GIGYF2: variants seen among roughly 807,000 people sequenced by gnomAD.
GIGYF2 encodes GRB10 interacting GYF protein 2.
GIGYF2 carries 25 observed loss-of-function variants against 208.1 expected under a neutral mutation model. The observed-to-expected ratio is 0.12, with a 90% CI of 0.09 to 0.17. The LOEUF is 0.17. GIGYF2 is among the 10% of genes least tolerant of loss of function. GIGYF2 has a pLI of 1.00. For missense variants in GIGYF2, 1,302 were observed against 1,579.4 expected (o/e 0.82, Z 2.98); for synonymous variants, 534 against 543.8 (o/e 0.98, Z 0.25).
intron 8 of GIGYF2, among the ~76,000 whole-genome samples, chr2:232,776,962 G>A (rs181735134): frequency 6.6e-6 from 1 of 151,954 alleles, no homozygotes; most frequent in African/African-American, 2.4e-5. Context: ...CTTTGGGGAA[G>A]ATTTATTTGG....
chr2:232,779,815 G>T (rs1222317001), intron 8 of GIGYF2, among the ~76,000 whole-genome samples: 1 of 152,072 alleles, frequency 6.6e-6, no homozygotes, highest in Admixed American at 6.6e-5. Flanking sequence ...TAACTCTCTG[G>T]GTACAGAAGT....
At chr2:232,712,027 A>G (rs754417402) in intron 2 of GIGYF2, among the ~76,000 whole-genome samples, 60 of 152,172 alleles carry the variant, frequency 3.9e-4, no homozygotes, top group Admixed American at 3.3e-4. Flanking sequence ...AGCACTTATC[A>G]GAAAAGCCTT....
At chr2:232,786,103 A>C (rs1384707058) in intron 8 of GIGYF2, among the ~76,000 whole-genome samples, 2 of 152,254 alleles carry the variant, frequency 1.3e-5, no homozygotes, top group Non-Finnish European at 2.9e-5. Flanking sequence ...TACTTGGTAT[A>C]CCAGGCTCTC....
intron 6 of GIGYF2, among the ~76,000 whole-genome samples, chr2:232,759,861 A>G (rs1698679213): frequency 6.6e-6 from 1 of 152,068 alleles, no homozygotes; most frequent in South Asian, 2.1e-4. Flanking sequence ...CTATGCCCAG[A>G]CACTCTACCA....
At position 232,857,701 on chromosome 2, in the gene GIGYF2, GT is replaced by G. The variant is rs1445954525; in HGVS notation, c.*845del. The G allele has an allele frequency of 6.6e-6, 1 of 152,506 alleles. No individual in the cohort carries two copies. The highest frequency in any genetic ancestry group is 2.4e-5 in the African/African-American group (1 of 41,410). 9.4% of individuals were successfully genotyped at this position (152,506 alleles called of 1,614,324 possible). Reference sequence around the variant, plus strand: ...TACTTCAGAGGACTAGGACCATTTTGTTTTGGGCCCTTCTGCTGAAAATTTG... The same window carrying G: ...TACTTCAGAGGACTAGGACCATTTTGTTTGGGCCCTTCTGCTGAAAATTTG... On this transcript the variant is annotated 3_prime_UTR_variant, in exon 29 of 29. Transcript: ENST00000373563.
In GIGYF2 at chr2:232,791,276, C is replaced by G; in HGVS notation, c.1112C>G (p.Pro371Arg). 4 of 1,614,012 alleles carry G rather than the reference C, an allele frequency of 2.5e-6. No homozygotes were observed. The highest frequency in any genetic ancestry group is 3.4e-6 in the Non-Finnish European group (4 of 1,179,944). Residue 371 changes from proline to arginine, a missense_variant, in exon 12 of 29, where the codon CCC (proline) becomes CGC (arginine). Physicochemically the swap from Pro to Arg is moderately radical, Grantham distance 103. Coordinates refer to ENST00000373563, the MANE Select transcript of GIGYF2 (RefSeq NM_001103146.3). Reference protein sequence around the residue: ...RVGVEASEETPQTSSSSARPG... With the variant: ...RVGVEASEETRQTSSSSARPG... ...GTTCCAGAAGCTAGTGAGGAAACTC[C>G]CCAGACCTCATCATCATCTGCTAGA...
At chr2:232,756,120 C>G (rs935939033) in intron 5 of GIGYF2, 103 bp from the exon 6 acceptor site, 71 of 678,298 alleles carry the variant, frequency 1.0e-4, no homozygotes, top group South Asian at 5.2e-4. Flanking sequence ...TTTATAGATG[C>G]AGTAGGAATG....
At position 232,735,189 on chromosome 2, in the gene GIGYF2, CG is replaced by C; in HGVS notation, c.-7del. The C allele has an allele frequency of 1.3e-6, 2 of 1,590,800 alleles. No homozygotes were observed. ...CATATAAAAATCTATTGTAAAAATA[CG>C]GAAAAGAATGGCAGCGGAAACGCAG... On this transcript the variant is annotated 5_prime_UTR_variant, in exon 3 of 29. Coordinates refer to ENST00000373563, the MANE Select transcript of GIGYF2 (RefSeq NM_001103146.3).
At position 232,845,514 on chromosome 2, in the gene GIGYF2, G is replaced by C. The variant is rs112086235; in HGVS notation, c.3306-218G>C. Among the ~76,000 whole-genome samples the C allele has an allele frequency of 9.4e-3, 1,428 of 152,260 alleles. 23 individuals are homozygous for C. Among genetic ancestry groups the C allele is most frequent in the African/African-American group, 0.032 (1,331 of 41,544 alleles). ...AGAATTTCATCATTTTTTCTAAGTA[G>C]AACCCCTGTATCCACAAATTAGGAT... On this transcript the variant is annotated intron_variant, in intron 25 of 28. Coordinates refer to ENST00000373563, the MANE Select transcript of GIGYF2 (RefSeq NM_001103146.3).
chr2:232,735,464 TGGC>T (rs1391537736), intron 3 of GIGYF2: 2 of 422,322 alleles, frequency 4.7e-6, no homozygotes, highest in African/African-American at 4.1e-5. Flanking sequence ...TATGTAATGA[TGGC>T]GGGAGTCCCA....
At chr2:232,831,850 A>G (rs994201901) in intron 21 of GIGYF2, among the ~76,000 whole-genome samples, 2 of 152,128 alleles carry the variant, frequency 1.3e-5, no homozygotes, top group African/African-American at 4.8e-5. Flanking sequence ...TTTATCTGGG[A>G]AGAATTTCTT....
chr2:232,821,485 A>G (rs1701079361), intron 21 of GIGYF2, among the ~76,000 whole-genome samples: 1 of 150,312 alleles, frequency 6.7e-6, no homozygotes, highest in Non-Finnish European at 1.5e-5. Context: ...GGCATGAGCC[A>G]CCGCGCCTGG....
rs749028555 is a variant in GIGYF2, at chr2:232,811,312, T to C, written c.1967T>C (p.Leu656Ser). 6.2e-6 allele frequency: 10 copies of C among 1,611,000 alleles called. No homozygotes were observed. The highest frequency in any genetic ancestry group is 6.8e-6 in the Non-Finnish European group (8 of 1,177,350). Reference sequence around the variant, plus strand: ...CTGTCTTCCCAGCAGCAGCAGCAGTTGGCACTTCTTCTTCAACAGTTTCAG... The same window carrying C: ...CTGTCTTCCCAGCAGCAGCAGCAGTCGGCACTTCTTCTTCAACAGTTTCAG... ...AALSSQQQQQ[L>S]ALLLQQFQTL... Residue 656 changes from leucine to serine, a missense_variant, in exon 17 of 29, where the codon TTG becomes TCG. Physicochemically the swap from Leu to Ser is moderately radical, Grantham distance 145. This residue lies in a region of GIGYF2 where 701 missense variants were observed against 793.0 expected (regional missense o/e 0.88). Transcript: ENST00000373563.
intron 20 of GIGYF2, among the ~76,000 whole-genome samples, chr2:232,818,971 C>T (rs1574920152): frequency 6.6e-6 from 1 of 150,928 alleles, no homozygotes; most frequent in African/African-American, 2.4e-5. Context: ...ATTTTTTGGT[C>T]TTTTTTTTTC....
intron 2 of GIGYF2, among the ~76,000 whole-genome samples, chr2:232,722,334 G>A (rs1696981547): frequency 6.6e-6 from 1 of 152,154 alleles, no homozygotes; most frequent in South Asian, 2.1e-4. Flanking sequence ...TCTACACAAG[G>A]CAGCAGGAGA....
intron 2 of GIGYF2, among the ~76,000 whole-genome samples, chr2:232,727,513 G>A (rs1697256920): frequency 6.6e-6 from 1 of 152,198 alleles, no homozygotes; most frequent in South Asian, 2.1e-4. Flanking sequence ...GGAATAGCGG[G>A]GAGGCAAGAG....
At position 232,832,878 on chromosome 2, in the gene GIGYF2, G is replaced by C. The variant is rs1413310521; in HGVS notation, c.2551G>C (p.Ala851Pro). ...RKQEEEAAKW[A>P]REEEEAQRRL... ...AAAGGAAGAGGAGGCTGCAAAATGG[G>C]CCCGGGAAGAAGAAGAAGCCCAGCG... Residue 851 changes from alanine to proline, a missense_variant, in exon 22 of 29, where the codon GCC (alanine) becomes CCC (proline). Transcript: ENST00000373563. 6.4e-7 allele frequency: 1 copy of C among 1,555,762 alleles called. No homozygotes were observed. Among genetic ancestry groups the C allele is most frequent in the East Asian group, 2.4e-5 (1 of 41,190 alleles).
intron 2 of GIGYF2, among the ~76,000 whole-genome samples, chr2:232,712,636 GA>G (rs1696474784): frequency 1.3e-5 from 2 of 152,092 alleles, no homozygotes; most frequent in Admixed American, 6.5e-5. Flanking sequence ...TGCAATAGAA[GA>G]TTCTCAAACT....
At chr2:232,720,681 G>A (rs577379986) in intron 2 of GIGYF2, among the ~76,000 whole-genome samples, 1 of 151,788 alleles carries the variant, frequency 6.6e-6, no homozygotes, top group South Asian at 2.1e-4. Flanking sequence ...TGCAACCTCT[G>A]CCTCTCAGGT....
Sources: allele counts gnomAD v4.1 joint callset (sites outside exome capture counted in the v4.1 genomes callset), GRCh38; gene constraint gnomAD v4.1.1; regional missense constraint gnomAD v4.1.1; transcripts MANE v1.5; gene names NCBI Gene and HGNC (gene_info 2026-07-23, HGNC 2026-07-21).